AGAP4: variants seen among roughly 807,000 people sequenced by gnomAD.
AGAP4 encodes the protein arf-GAP with GTPase, ANK repeat and PH domain-containing protein 4.
AGAP4 carries 13 observed loss-of-function variants against 60.7 expected under a neutral mutation model. The observed-to-expected ratio is 0.21, with a 90% CI of 0.14 to 0.34. The LOEUF (loss-of-function observed/expected upper bound fraction) is 0.34, where lower values mean the gene tolerates loss of function less well. Among genes scored for constraint, AGAP4 ranks in the 10% least tolerant of loss-of-function variants. The probability of loss-of-function intolerance (pLI) is 1.00; values close to 1 mark genes in which losing one functional copy is unlikely to be tolerated. For synonymous variants in AGAP4, 70 were observed against 339.0 expected (o/e 0.21, Z 8.72); for missense variants, 169 against 884.0 (o/e 0.19, Z 10.26).
chr10:45,838,084 T>C (rs1314060747), intron 4 of AGAP4, among the ~76,000 whole-genome samples: 6 of 150,122 alleles, frequency 4.0e-5, no homozygotes, highest in Non-Finnish European at 5.9e-5. Context: ...TACATACATA[T>C]ATATATATAT....
chr10:45,852,217 T>TAAAAAAAAAAAAAA (rs781889843), upstream of AGAP4, among the ~76,000 whole-genome samples: 149 of 91,670 alleles, frequency 1.6e-3, 4 homozygotes, highest in African/African-American at 7.4e-3. Context: ...GGCCAGACTT[T>TAAAAAAAAAAAAAA]AAAAAAAAAA....
chr10:45,849,407 A>G (rs1195230275), upstream of AGAP4, among the ~76,000 whole-genome samples: 5 of 151,676 alleles, frequency 3.3e-5, no homozygotes, highest in Admixed American at 6.6e-5. Context: ...TGGCAAAACC[A>G]TATCAGAAAG....
upstream of AGAP4, chr10:45,854,006 C>T (rs1274260715): frequency 1.7e-6 from 1 of 574,910 alleles, no homozygotes; most frequent in African/African-American, 2.0e-5. Context: ...GATGAGTGAC[C>T]CCATTTTAAG....
intron 4 of AGAP4, among the ~76,000 whole-genome samples, chr10:45,838,086 T>C (rs2058852448): frequency 6.7e-6 from 1 of 150,042 alleles, no homozygotes; most frequent in Non-Finnish European, 1.5e-5. Flanking sequence ...CATACATATA[T>C]ATATATATAT....
exon 1 of AGAP4, chr10:45,853,813 G>T: frequency 7.8e-7 from 1 of 1,286,564 alleles, no homozygotes; most frequent in Non-Finnish European, 1.0e-6. Context: ...TGTCTTTGCT[G>T]GTTTTATGAT....
chr10:45,839,352 A>T (rs1314312455), intron 4 of AGAP4, among the ~76,000 whole-genome samples: 1 of 121,544 alleles, frequency 8.2e-6, no homozygotes, highest in African/African-American at 2.8e-5. Context: ...AAAGCCAGCA[A>T]GGTCAGTTGC....
chr10:45,848,602 C>G (rs1244646417), upstream of AGAP4, among the ~76,000 whole-genome samples: 9 of 152,190 alleles, frequency 5.9e-5, 1 homozygote, highest in East Asian at 1.4e-3. Flanking sequence ...GCAACCTCCC[C>G]AAGGTCACAT....
intron 1 of AGAP4, among the ~76,000 whole-genome samples, chr10:45,852,655 A>AT (rs1196879682): frequency 5.3e-5 from 8 of 151,634 alleles, no homozygotes; most frequent in Non-Finnish European, 8.8e-5. Flanking sequence ...TGTGGAAAAA[A>AT]TTTAAGTAAT....
chr10:45,834,730 T>TC (rs2058788344), intron 4 of AGAP4, among the ~76,000 whole-genome samples: 1 of 136,710 alleles, frequency 7.3e-6, no homozygotes, highest in Non-Finnish European at 1.5e-5. Flanking sequence ...CATTTTTTTT[T>TC]CTGCAGCAAT....
upstream of AGAP4, among the ~76,000 whole-genome samples, chr10:45,849,990 C>A (rs1244276324): frequency 2.6e-5 from 4 of 150,978 alleles, no homozygotes; most frequent in Admixed American, 6.6e-5. Flanking sequence ...GTGGCACAAT[C>A]GTTGCTCACT....
At chr10:45,831,310 G>A (rs1433623480) in intron 6 of AGAP4, 84 bp downstream of exon 6, 13 of 1,483,380 alleles carry the variant, frequency 8.8e-6, no homozygotes, top group East Asian at 2.3e-5. Flanking sequence ...AGCTTATGAT[G>A]TCTAGAGCTG....
At chr10:45,834,692 A>AAAAG (rs2058786912) in intron 4 of AGAP4, among the ~76,000 whole-genome samples, 1 of 121,310 alleles carries the variant, frequency 8.2e-6, no homozygotes, top group South Asian at 2.7e-4. Flanking sequence ...AAAAAAAAAA[A>AAAAG]AAAAAAGAAA....
At chr10:45,843,045 C>A (rs1281524075) in intron 3 of AGAP4, among the ~76,000 whole-genome samples, 1 of 85,506 alleles carries the variant, frequency 1.2e-5, no homozygotes, top group Non-Finnish European at 2.3e-5. Context: ...GCCTGTAATC[C>A]CAGCACTTTG....
At chr10:45,850,663 G>A (rs2059072369), upstream of AGAP4, among the ~76,000 whole-genome samples, 2 of 152,246 alleles carry the variant, frequency 1.3e-5, no homozygotes, top group South Asian at 4.1e-4. Context: ...TGATCATTTG[G>A]GAGACAGAAT....
At chr10:45,851,104 G>A (rs1348668622), upstream of AGAP4, among the ~76,000 whole-genome samples, 1 of 151,510 alleles carries the variant, frequency 6.6e-6, no homozygotes, top group African/African-American at 2.4e-5. Flanking sequence ...AAAAAAAAAA[G>A]CCATTTAAAA....
At chr10:45,830,588 C>T (rs782029571) in intron 6 of AGAP4, among the ~76,000 whole-genome samples, 5,487 of 80,860 alleles carry the variant, frequency 0.068, 49 homozygotes, top group South Asian at 0.15. Flanking sequence ...CAAGTTCAAG[C>T]GGTTCTCCTG....
exon 1 of AGAP4, chr10:45,853,743 CT>C: frequency 1.6e-6 from 2 of 1,287,948 alleles, no homozygotes; most frequent in Middle Eastern, 6.5e-4. Flanking sequence ...GCCAACAGGT[CT>C]GGAGAAGACC....
In AGAP4 at chr10:45,853,767, T is replaced by G. The variant is rs1329336921; in HGVS notation, n.109A>C. The G allele has an allele frequency of 1.3e-4, 173 of 1,287,818 alleles. 2 individuals are homozygous for G. Among genetic ancestry groups the G allele is most frequent in the South Asian group, 8.7e-4 (70 of 80,886 alleles). 79.8% of individuals were successfully genotyped at this position (1,287,818 alleles called of 1,614,324 possible). ...TCTGGAGAAGACCTTACAGTTCTCA[T>G]GGACAAAGTTTGTGAAGGCATCTTA... is the stretch of plus-strand genomic sequence containing the variant. On this transcript the variant is annotated non_coding_transcript_exon_variant, in exon 1 of 10. Coordinates refer to the AGAP4 transcript ENST00000430779.
intron 4 of AGAP4, among the ~76,000 whole-genome samples, chr10:45,836,095 G>C (rs2058812763): frequency 6.8e-6 from 1 of 146,258 alleles, no homozygotes; most frequent in Non-Finnish European, 1.5e-5. Flanking sequence ...AGTACCCATT[G>C]GATGCGGATG....
Sources: allele counts gnomAD v4.1 joint callset (sites outside exome capture counted in the v4.1 genomes callset), GRCh38; gene constraint gnomAD v4.1.1; transcripts MANE v1.5; gene names NCBI Gene and HGNC (gene_info 2026-07-23, HGNC 2026-07-21).